ABCA13: variants seen among roughly 807,000 people sequenced by gnomAD.
ABCA13 encodes the protein ATP binding cassette subfamily A member 13.
In ABCA13, 476 loss-of-function variants were observed where a neutral mutation model predicts 478.7. The observed-to-expected ratio is 0.99, with a 90% confidence interval of 0.92 to 1.07. The LOEUF (loss-of-function observed/expected upper bound fraction) is 1.07. ABCA13 is among the 50% of genes least tolerant of loss of function. The pLI is 0.00. For synonymous variants in ABCA13, 2,252 were observed against 2,158.9 expected, an observed-to-expected ratio of 1.04 and a Z score of -1.20; for missense variants, 6,060 against 5,910.6, an observed-to-expected ratio of 1.03 and a Z score of -0.83.
chr7:48,172,797 CAAAAAAAAAAAAAAAAAAA>C (rs36196847), intron 1 of ABCA13, among the ~76,000 whole-genome samples: 4 of 75,508 alleles, frequency 5.3e-5, no homozygotes, highest in Admixed American at 2.0e-4. Flanking sequence ...GACTCCGTCT[CAAAAAAAAAAAAAAAAAAA>C]AAAAAAAAAA....
At chr7:48,517,068 C>T (rs1162402813) in intron 52 of ABCA13, among the ~76,000 whole-genome samples, 187 bp downstream of exon 52, 2 of 152,186 alleles carry the variant, frequency 1.3e-5, no homozygotes, top group Admixed American at 1.3e-4. Flanking sequence ...TTATAAAAGC[C>T]ATGCCTAGGC....
chr7:48,539,967 A>G (rs1246812757), intron 55 of ABCA13, among the ~76,000 whole-genome samples: 1 of 152,216 alleles, frequency 6.6e-6, no homozygotes, highest in Non-Finnish European at 1.5e-5. Context: ...TGAAAACTCA[A>G]CATTAAGAGC....
chr7:48,361,441 C>T (rs1481209203), intron 31 of ABCA13, among the ~76,000 whole-genome samples: 1 of 151,726 alleles, frequency 6.6e-6, no homozygotes, highest in Non-Finnish European at 1.5e-5. Context: ...CAAGTTATTT[C>T]ATTCTTTTCT....
intron 39 of ABCA13, among the ~76,000 whole-genome samples, chr7:48,405,343 C>A (rs185427837): frequency 6.6e-6 from 1 of 152,334 alleles, no homozygotes; most frequent in East Asian, 1.9e-4. Flanking sequence ...TTGGTTGACA[C>A]CCAGACACCA....
rs2128755116 is a variant in ABCA13 at position 48,274,361 on chromosome 7, C to T, written c.4695C>T (p.Ile1565=). Residue 1565 remains isoleucine, a synonymous_variant, in exon 17 of 62, where the codon ATC becomes ATT. Transcript: ENST00000435803. ...TTGTAAAAGGTATTTACTTTAACAT[C>T]CTGGAAAATAATTCCTCTTCTAAAA... ...QKLVKGIYFN[I]LENNSSSKTE... 6.2e-7 allele frequency: 1 copy of T among 1,613,020 alleles called. No homozygotes were observed. Among genetic ancestry groups the T allele is most frequent in the Non-Finnish European group, 8.5e-7 (1 of 1,179,608 alleles).
chr7:48,605,862 A>C (rs1791416579), intron 58 of ABCA13, among the ~76,000 whole-genome samples: 1 of 152,124 alleles, frequency 6.6e-6, no homozygotes, highest in African/African-American at 2.4e-5. Context: ...TCAAATGTAG[A>C]TTTGGTCTTT....
chr7:48,256,015 G>C (rs1051448263), intron 15 of ABCA13, among the ~76,000 whole-genome samples: 2 of 152,150 alleles, frequency 1.3e-5, no homozygotes, highest in Non-Finnish European at 2.9e-5. Context: ...ACTGCAGTGA[G>C]ATGGTATCTC....
At chr7:48,478,445 C>T (rs1156851709) in intron 45 of ABCA13, among the ~76,000 whole-genome samples, 3 of 151,796 alleles carry the variant, frequency 2.0e-5, no homozygotes, top group African/African-American at 7.3e-5. Flanking sequence ...ACTCTAAAAG[C>T]AGATTAATTG....
intron 51 of ABCA13, among the ~76,000 whole-genome samples, chr7:48,513,743 AAAAT>A (rs2130923722): frequency 6.6e-6 from 1 of 152,346 alleles, no homozygotes; most frequent in Admixed American, 6.5e-5. Flanking sequence ...TTTTCACAAA[AAAAT>A]AAATATAAGC....
chr7:48,192,933 AT>A lies in ABCA13; in HGVS notation c.70-11del, dbSNP rs559638720. 213,591 of 1,124,614 alleles carry A rather than the reference AT, an allele frequency of 0.19. 23 individuals are homozygous for A. Among genetic ancestry groups the A allele is most frequent in the East Asian group, 0.32 (9,047 of 28,488 alleles). The allele number at this position is 1,124,614 out of a possible 1,614,324, so 69.7% of individuals were successfully genotyped here. On this transcript the variant is annotated intron_variant, in intron 1 of 61. Transcript: ENST00000435803. The stretch of plus-strand genomic sequence containing the variant: ...TAATACCTTACAATTTATTCAGGTG[AT>A]TTTTTTTTTTTTTTAATTTTCTAGG...
In ABCA13 at chr7:48,314,237, A is replaced by G; in HGVS notation, c.9687A>G (p.Ser3229=). The part of the protein sequence containing the change: ...LLETLDFQQV[S]QNVQARSSAF... Reference sequence around the variant, plus strand: ...TAGTTTTCTTATTTTCTCAGGTTTCACAAAATGTCCAGGCCAGAAGTTCAG... The same window carrying G: ...TAGTTTTCTTATTTTCTCAGGTTTCGCAAAATGTCCAGGCCAGAAGTTCAG... The change falls in exon 26 of 62, where the codon TCA becomes TCG. Residue 3229 remains serine (S), a synonymous_variant. Transcript: ENST00000435803. 6.2e-7 allele frequency: 1 copy of G among 1,607,668 alleles called. No homozygotes were observed.
intron 48 of ABCA13, among the ~76,000 whole-genome samples, chr7:48,499,762 A>G (rs1232387975): frequency 6.6e-6 from 1 of 152,186 alleles, no homozygotes; most frequent in East Asian, 1.9e-4. Flanking sequence ...GACTTCAGTG[A>G]GATTCTTCTA....
At position 48,466,953 on chromosome 7, in the gene ABCA13, C is replaced by T; in HGVS notation, c.12816-3C>T. 11 of 1,613,850 alleles carry T rather than the reference C, an allele frequency of 6.8e-6. No individual in the cohort carries two copies. The highest frequency in any genetic ancestry group is 9.3e-6 in the Non-Finnish European group (11 of 1,179,802). On this transcript the variant is annotated splice_region_variant and splice_polypyrimidine_tract_variant and intron_variant, in intron 43 of 61. Coordinates refer to ENST00000435803, the MANE Select transcript of ABCA13 (RefSeq NM_152701.5). ...GTTTCCTTTGTCTCACAATGAACAG[C>T]AGCAGTGGGGGCGACAACTTGGACC... is the stretch of plus-strand genomic sequence containing the variant.
At chr7:48,524,587 CA>C (rs1832765695) in intron 54 of ABCA13, 147 bp downstream of exon 54, 5 of 681,786 alleles carry the variant, frequency 7.3e-6, no homozygotes, top group Non-Finnish European at 9.3e-6. Context: ...TCAGTAGGAG[CA>C]GAACCAAATA....
chr7:48,394,959 G>A lies in ABCA13; in HGVS notation c.11873+2820G>A, dbSNP rs76265320. 9.5e-3 allele frequency among the ~76,000 whole-genome samples: 1,454 copies of A among 152,260 alleles called. 22 individuals are homozygous for A. The highest frequency in any genetic ancestry group is 0.033 in the African/African-American group (1,388 of 41,556). ...CTTGGTTGTATGGTGAAGGGTCATA[G>A]CAGAGGTAATGATTGAGCAGCAGGC... On this transcript the variant is annotated intron_variant, in intron 38 of 61. Transcript: ENST00000435803.
intron 55 of ABCA13, among the ~76,000 whole-genome samples, chr7:48,568,434 A>G (rs1443531401): frequency 6.6e-6 from 1 of 152,120 alleles, no homozygotes; most frequent in African/African-American, 2.4e-5. Flanking sequence ...TTAATTTTAT[A>G]TATTAAACTA....
intron 51 of ABCA13, among the ~76,000 whole-genome samples, chr7:48,516,418 C>T (rs1832115291): frequency 6.6e-6 from 1 of 152,094 alleles, no homozygotes; most frequent in African/African-American, 2.4e-5. Context: ...CGCAGCATGG[C>T]AGTGCTTGTG....
intron 59 of ABCA13, among the ~76,000 whole-genome samples, chr7:48,629,891 G>A (rs922467052): frequency 6.6e-6 from 1 of 152,074 alleles, no homozygotes; most frequent in Admixed American, 6.5e-5. Context: ...AGAACACCAC[G>A]TATAGCTACA....
At position 48,271,871 on chromosome 7, in the gene ABCA13, A is replaced by C. The variant is rs372427380; in HGVS notation, c.2205A>C (p.Ser735=). 2.5e-6 allele frequency: 4 copies of C among 1,606,990 alleles called. No individual in the cohort carries two copies. Among genetic ancestry groups the C allele is most frequent in the African/African-American group, 2.7e-5 (2 of 74,842 alleles). ...LEDEQMNFLL[S]FVEFFEKLLL... ...ATGAACAAATGAACTTTCTTTTATCATTTGTGGAATTTTTTGAGAAATTAT... is the reference window on the plus strand; with the variant it reads ...ATGAACAAATGAACTTTCTTTTATCCTTTGTGGAATTTTTTGAGAAATTAT... Residue 735 remains serine, a synonymous_variant, in exon 17 of 62, where the codon TCA becomes TCC. Transcript: ENST00000435803.
Sources: gnomAD v4.1 joint callset for allele counts (sites outside exome capture counted in the v4.1 genomes callset) on GRCh38, gnomAD v4.1.1 for gene constraint, MANE v1.5 for transcripts, NCBI Gene and HGNC (gene_info 2026-07-23, HGNC 2026-07-21) for gene names.